Variants in PAFAH1B2 observed in about 807,000 individuals in gnomAD.
PAFAH1B2 encodes the protein platelet-activating factor acetylhydrolase IB subunit alpha2.
Under a neutral mutation model 28.0 loss-of-function variants are expected in PAFAH1B2, and 8 were observed. The observed-to-expected ratio is 0.29, with a 90% CI of 0.17 to 0.52. The LOEUF (loss-of-function observed/expected upper bound fraction) is 0.52, where lower values mean the gene tolerates loss of function less well. Ranked by LOEUF, PAFAH1B2 falls within the 20% of genes least tolerant of loss-of-function variation. PAFAH1B2 has a pLI of 0.97. For synonymous variants in PAFAH1B2, 104 were observed against 103.2 expected, an observed-to-expected ratio of 1.01 and a Z score of -0.05; for missense variants, 190 against 282.6, an observed-to-expected ratio of 0.67 and a Z score of 2.35.
rs769237785 is a variant in PAFAH1B2 at position 117,167,412 on chromosome 11, G to C, written c.412-9G>C. 157 of 1,559,654 alleles carry C rather than the reference G, an allele frequency of 1.0e-4. No homozygotes were observed. Among genetic ancestry groups the C allele is most frequent in the Non-Finnish European group, 1.3e-4 (144 of 1,146,240 alleles). On this transcript the variant is annotated splice_polypyrimidine_tract_variant and intron_variant, in intron 5 of 5. Coordinates refer to ENST00000527958, the MANE Select transcript of PAFAH1B2 (RefSeq NM_002572.4). ...ATCTTCTAATTTAATGTTTTCCACT[G>C]TGCCCCAGGGTTTGTTACCTCGAGG... is the stretch of plus-strand genomic sequence containing the variant.
chr11:117,145,211 G>C (rs931350265), intron 1 of PAFAH1B2, among the ~76,000 whole-genome samples: 2 of 152,158 alleles, frequency 1.3e-5, no homozygotes, highest in Non-Finnish European at 2.9e-5. Flanking sequence ...CCGTCCGTTT[G>C]CCAGATCCGT....
At chr11:117,172,394 ATATATATATATTTTTTTTTTTTTT>A (rs1956688549), downstream of PAFAH1B2, among the ~76,000 whole-genome samples, 22 of 2,148 alleles carry the variant, frequency 0.01, no homozygotes, top group Non-Finnish European at 0.014. Flanking sequence ...ATATATATAT[ATATATATATATTTTTTTTTTTTTT>A]TTTTTTTTTT....
intron 2 of PAFAH1B2, among the ~76,000 whole-genome samples, chr11:117,158,260 T>G (rs1156299508): frequency 2.0e-5 from 3 of 152,202 alleles, no homozygotes. Context: ...CAGGCTGGTC[T>G]CGAATGCCTG....
At chr11:117,171,088 T>C, downstream of PAFAH1B2, 2 of 1,018,150 alleles carry the variant, frequency 2.0e-6, 1 homozygote, top group Middle Eastern at 9.4e-4. Context: ...GTTTGGATTC[T>C]AATGAAAAAA....
At chr11:117,147,485 A>G (rs928116216) in intron 1 of PAFAH1B2, among the ~76,000 whole-genome samples, 9 of 152,152 alleles carry the variant, frequency 5.9e-5, no homozygotes, top group African/African-American at 2.2e-4. Flanking sequence ...GGCATGAGAC[A>G]CTGTACCCAG....
At chr11:117,160,369 G>C (rs1956347081) in intron 3 of PAFAH1B2, among the ~76,000 whole-genome samples, 1 of 152,106 alleles carries the variant, frequency 6.6e-6, no homozygotes, top group Non-Finnish European at 1.5e-5. Flanking sequence ...TCCTAGTCAT[G>C]ATTCTTACTT....
downstream of PAFAH1B2, among the ~76,000 whole-genome samples, chr11:117,172,383 TATATA>T (rs1956682381): frequency 3.0e-4 from 1 of 3,280 alleles, no homozygotes; most frequent in African/African-American, 1.5e-3. Flanking sequence ...TATATATATA[TATATA>T]TATATATATA....
exon 6 of PAFAH1B2, chr11:117,176,243 G>A (rs370154348): frequency 4.6e-6 from 2 of 433,718 alleles, no homozygotes; most frequent in East Asian, 7.4e-5. Context: ...TTTGGAAAAG[G>A]GGTGCAGCTT....
downstream of PAFAH1B2, chr11:117,175,154 T>C: frequency 8.5e-7 from 1 of 1,177,306 alleles, no homozygotes; most frequent in Non-Finnish European, 1.1e-6. Flanking sequence ...CCTGACCGCT[T>C]GAGGGCCACG....
intron 2 of PAFAH1B2, 150 bp downstream of exon 2, chr11:117,152,678 A>T: frequency 1.6e-6 from 1 of 636,362 alleles, no homozygotes; most frequent in South Asian, 1.9e-5. Flanking sequence ...TCAGCCTCCC[A>T]TATAGCTGGG....
chr11:117,148,058 T>C (rs900373058), intron 1 of PAFAH1B2, among the ~76,000 whole-genome samples: 3 of 131,122 alleles, frequency 2.3e-5, no homozygotes, highest in African/African-American at 2.7e-5. Context: ...TTTTTTTTCT[T>C]TTTTTTTTTT....
Position 117,169,481 on chromosome 11 carries a change from T to TG in PAFAH1B2, c.*1783dup, listed in dbSNP as rs1346906418. Reference sequence around the variant, plus strand: ...CTTGAAAGGCAAATTTCAGTGCTTTTGTATGTTGGAGGAGGGCTTACTGAT... The same window carrying TG: ...CTTGAAAGGCAAATTTCAGTGCTTTTGGTATGTTGGAGGAGGGCTTACTGAT... On this transcript the variant is annotated 3_prime_UTR_variant, in exon 6 of 6. Coordinates refer to ENST00000527958, the MANE Select transcript of PAFAH1B2 (RefSeq NM_002572.4). The TG allele has an allele frequency of 9.9e-7, 1 of 1,007,684 alleles. No individual in the cohort carries two copies. The highest frequency in any genetic ancestry group is 5.5e-5 in the East Asian group (1 of 18,196). 62.4% of individuals were successfully genotyped at this position (1,007,684 alleles called of 1,614,324 possible).
At chr11:117,177,977 T>G (rs1384830559), downstream of PAFAH1B2, among the ~76,000 whole-genome samples, 1 of 152,256 alleles carries the variant, frequency 6.6e-6, no homozygotes, top group African/African-American at 2.4e-5. Flanking sequence ...TCCTTTTTGC[T>G]TTATATTATA....
downstream of PAFAH1B2, among the ~76,000 whole-genome samples, chr11:117,173,551 C>T (rs1163344328): frequency 6.6e-6 from 1 of 152,094 alleles, no homozygotes; most frequent in Middle Eastern, 3.4e-3. Flanking sequence ...TTATGTTGCC[C>T]AGGTTGGCCT....
downstream of PAFAH1B2, among the ~76,000 whole-genome samples, chr11:117,173,690 G>A (rs895858302): frequency 4.6e-5 from 7 of 152,170 alleles, no homozygotes; most frequent in East Asian, 1.2e-3. Context: ...CCATGTGACA[G>A]GTTTGAGACC....
At chr11:117,158,801 C>T (rs911927954) in intron 2 of PAFAH1B2, among the ~76,000 whole-genome samples, 1 of 152,042 alleles carries the variant, frequency 6.6e-6, no homozygotes, top group Non-Finnish European at 1.5e-5. Flanking sequence ...CCCGCCACCA[C>T]ACCTGGCTAA....
intron 4 of PAFAH1B2, among the ~76,000 whole-genome samples, chr11:117,161,961 A>G (rs1005612561): frequency 5.9e-5 from 9 of 152,180 alleles, no homozygotes; most frequent in Non-Finnish European, 8.8e-5. Flanking sequence ...CCATATAAAC[A>G]GGTCAGTAAT....
At chr11:117,145,451 G>GA (rs1383593067) in intron 1 of PAFAH1B2, among the ~76,000 whole-genome samples, 2 of 151,858 alleles carry the variant, frequency 1.3e-5, no homozygotes, top group African/African-American at 4.8e-5. Context: ...TTGGGCCGGG[G>GA]GTAAAGGTGT....
chr11:117,156,332 CTT>C lies in PAFAH1B2; in HGVS notation c.82-3600_82-3599del, dbSNP rs1182966095. 2.6e-5 allele frequency among the ~76,000 whole-genome samples: 4 copies of C among 152,330 alleles called. No individual in the cohort carries two copies. In the East Asian group the frequency reaches 5.8e-4, roughly 22 times the overall value. On this transcript the variant is annotated intron_variant, in intron 2 of 5. Transcript: ENST00000527958. ...TGGGTGCCAGTCAATAGCTGGGACT[CTT>C]TAACAACTCTAAAATGGAGTTGCCA...
Sources: gnomAD v4.1 joint callset for allele counts (sites outside exome capture counted in the v4.1 genomes callset) on GRCh38, gnomAD v4.1.1 for gene constraint, MANE v1.5 for transcripts, NCBI Gene and HGNC (gene_info 2026-07-23, HGNC 2026-07-21) for gene names.